ANP32B: variants seen among roughly 807,000 people sequenced by gnomAD.
The protein encoded by ANP32B is acidic nuclear phosphoprotein 32 family member B.
ANP32B carries 6 observed loss-of-function variants against 32.2 expected under a neutral mutation model. The observed-to-expected ratio is 0.19, with a 90% CI of 0.10 to 0.37. ANP32B has a LOEUF of 0.37. Ranked by LOEUF, ANP32B falls within the 10% of genes least tolerant of loss-of-function variation. The pLI, the probability that ANP32B is intolerant of heterozygous loss-of-function variation, is 1.00. For missense variants in ANP32B, 204 were observed against 289.2 expected (o/e 0.71, Z 2.14); for synonymous variants, 98 against 105.8 (o/e 0.93, Z 0.45).
chr9:98,015,328 T>C, intron 6 of ANP32B, 36 bp from the exon 7 acceptor site: 1 of 1,547,476 alleles, frequency 6.5e-7, no homozygotes, highest in East Asian at 2.4e-5. Flanking sequence ...AAAATGCCTT[T>C]CCACTGTCCT....
intron 1 of ANP32B, among the ~76,000 whole-genome samples, chr9:97,986,055 G>C (rs879120424): frequency 6.6e-6 from 1 of 152,016 alleles, no homozygotes; most frequent in Non-Finnish European, 1.5e-5. Flanking sequence ...TCCTGACCTC[G>C]GGTGATCCAC....
rs1828179228 is a variant in ANP32B, at chr9:98,011,281, T to C, written c.528T>C (p.Asp176=). The C allele has an allele frequency of 1.9e-6, 3 of 1,550,982 alleles. No homozygotes were observed. The highest frequency in any genetic ancestry group is 2.6e-6 in the Non-Finnish European group (3 of 1,146,378). ...TTGGACTATTTTTAGAAGGAGAAGA[T>C]GAGGAAGACGAGGACGATGAGGATG... ...DEEEEDEEGE[D]EEDEDDEDGE... The change falls in exon 5 of 7, where the codon GAT becomes GAC. Residue 176 remains aspartate, a synonymous_variant. Transcript: ENST00000339399.
intron 2 of ANP32B, among the ~76,000 whole-genome samples, chr9:97,995,930 TA>T (rs570340593): frequency 0.08 from 9,311 of 116,636 alleles, 954 homozygotes; most frequent in African/African-American, 0.26. Flanking sequence ...TGTCTCGATT[TA>T]AAAAAAAAAA....
intron 3 of ANP32B, among the ~76,000 whole-genome samples, chr9:98,000,006 AGGGG>A (rs1447991334): frequency 6.6e-6 from 1 of 152,218 alleles, no homozygotes; most frequent in Non-Finnish European, 1.5e-5. Flanking sequence ...TTGATACTTG[AGGGG>A]AAGACAGTTA....
chr9:98,010,854 A>G (rs1227227972), intron 4 of ANP32B, among the ~76,000 whole-genome samples: 1 of 149,938 alleles, frequency 6.7e-6, no homozygotes, highest in East Asian at 1.9e-4. Flanking sequence ...TTTTTTTTTT[A>G]ACTTTTTACT....
intron 1 of ANP32B, among the ~76,000 whole-genome samples, chr9:97,984,254 G>A (rs1351169058): frequency 6.6e-6 from 1 of 150,980 alleles, no homozygotes; most frequent in Non-Finnish European, 1.5e-5. Flanking sequence ...GGGCGGGCCA[G>A]GGCGGCGGAG....
chr9:97,999,285 TA>T (rs1419809423), intron 3 of ANP32B, among the ~76,000 whole-genome samples: 1 of 152,228 alleles, frequency 6.6e-6, no homozygotes, highest in Non-Finnish European at 1.5e-5. Flanking sequence ...ATGTATTGAC[TA>T]TATAGCCTTA....
In ANP32B at chr9:98,011,378, G is replaced by A. The variant is rs370631624; in HGVS notation, c.625G>A (p.Val209Ile). ...DVEGDEDDDEVSEEEEEFGLD... is the reference protein window; with the variant it reads ...DVEGDEDDDEISEEEEEFGLD... ...AGAAGGGGATGAGGACGACGATGAAGTCAGTGAGGAGGTCAGTGCAGCTGT... is the reference window on the plus strand; with the variant it reads ...AGAAGGGGATGAGGACGACGATGAAATCAGTGAGGAGGTCAGTGCAGCTGT... Residue 209 changes from valine (V) to isoleucine (I), a missense_variant, in exon 5 of 7, where the codon GTC (valine) becomes ATC (isoleucine). By Grantham distance (29) the Val-to-Ile change is conservative (BLOSUM62 3). Coordinates refer to ENST00000339399, the MANE Select transcript of ANP32B (RefSeq NM_006401.3). The A allele has an allele frequency of 8.2e-6, 13 of 1,583,346 alleles. No homozygotes were observed. Among genetic ancestry groups the A allele is most frequent in the Non-Finnish European group, 1.1e-5 (13 of 1,161,034 alleles).
At chr9:97,983,732 C>G (rs537179212) in intron 1 of ANP32B, 123 bp downstream of exon 1, 4 of 713,506 alleles carry the variant, frequency 5.6e-6, no homozygotes, top group Non-Finnish European at 2.0e-6. Flanking sequence ...CTCGTGGGCT[C>G]GGACGGGGAA....
chr9:97,984,050 G>A (rs1827651896), intron 1 of ANP32B, among the ~76,000 whole-genome samples: 2 of 149,988 alleles, frequency 1.3e-5, no homozygotes, highest in South Asian at 2.1e-4. Flanking sequence ...CGCGCGCCCC[G>A]GGCCGGCCGG....
intron 1 of ANP32B, among the ~76,000 whole-genome samples, chr9:97,989,195 T>C (rs1325948310): frequency 6.6e-6 from 1 of 152,168 alleles, no homozygotes; most frequent in African/African-American, 2.4e-5. Context: ...GAACTTAAAA[T>C]GTGTTTTGTT....
At chr9:97,996,417 G>A (rs1827906306) in intron 2 of ANP32B, among the ~76,000 whole-genome samples, 1 of 152,104 alleles carries the variant, frequency 6.6e-6, no homozygotes, top group Non-Finnish European at 1.5e-5. Flanking sequence ...TTTTGTTTTT[G>A]TTGGTTTTGG....
At chr9:98,013,067 A>G (rs755628552) in intron 6 of ANP32B, among the ~76,000 whole-genome samples, 2 of 152,184 alleles carry the variant, frequency 1.3e-5, no homozygotes, top group Non-Finnish European at 2.9e-5. Flanking sequence ...TCTGTCGCCC[A>G]GTCTGGAGTT....
At chr9:97,995,227 A>G (rs1409944914) in intron 2 of ANP32B, among the ~76,000 whole-genome samples, 1 of 152,186 alleles carries the variant, frequency 6.6e-6, no homozygotes, top group Non-Finnish European at 1.5e-5. Flanking sequence ...TCAGAACTGG[A>G]AGAAACTTTG....
At chr9:97,992,368 G>A (rs1014511690) in intron 1 of ANP32B, among the ~76,000 whole-genome samples, 6 of 152,176 alleles carry the variant, frequency 3.9e-5, no homozygotes, top group Non-Finnish European at 8.8e-5. Context: ...GGGATTACAG[G>A]CATGAGCCAC....
intron 1 of ANP32B, among the ~76,000 whole-genome samples, chr9:97,987,892 A>G (rs1183779308): frequency 6.6e-6 from 1 of 152,074 alleles, no homozygotes; most frequent in Non-Finnish European, 1.5e-5. Context: ...TGGATATTCT[A>G]GTTGGTTGCA....
intron 3 of ANP32B, 89 bp downstream of exon 3, chr9:97,998,767 A>G: frequency 1.1e-6 from 1 of 908,246 alleles, no homozygotes; most frequent in Non-Finnish European, 1.6e-6. Context: ...TGGCAATAAT[A>G]ATTGGTTGAG....
chr9:97,995,372 C>G (rs1025472382), intron 2 of ANP32B, among the ~76,000 whole-genome samples: 1 of 152,230 alleles, frequency 6.6e-6, no homozygotes, highest in African/African-American at 2.4e-5. Flanking sequence ...ACCCCATACC[C>G]TTCCCATTAT....
chr9:98,000,672 C>T (rs1022613335), intron 3 of ANP32B, among the ~76,000 whole-genome samples: 2 of 151,966 alleles, frequency 1.3e-5, no homozygotes, highest in African/African-American at 4.8e-5. Context: ...GCCTGTAATC[C>T]CAGCACTTTG....
Sources: allele counts gnomAD v4.1 joint callset (sites outside exome capture counted in the v4.1 genomes callset), GRCh38; gene constraint gnomAD v4.1.1; transcripts MANE v1.5; gene names NCBI Gene and HGNC (gene_info 2026-07-23, HGNC 2026-07-21).